Variants in BLTP1 observed in about 807,000 individuals in gnomAD.
BLTP1 encodes the protein bridge-like lipid transfer protein family member 1.
At chr4:122,278,174 TA>T in the BLTP1 span, among the ~76,000 whole-genome samples, 1 of 151,832 alleles carries the variant, frequency 6.6e-6, no homozygotes, top group African/African-American at 2.4e-5. Context: ...ATTAAAGATA[TA>T]AAAAAAATAA....
chr4:122,191,714 A>G, the BLTP1 span, among the ~76,000 whole-genome samples: 2 of 152,122 alleles, frequency 1.3e-5, no homozygotes, highest in Non-Finnish European at 2.9e-5. Flanking sequence ...ATTAAAAATT[A>G]TCTGAAAAAG....
At chr4:122,236,878 C>A in the BLTP1 span, 1 of 963,744 alleles carries the variant, frequency 1.0e-6, no homozygotes, top group Non-Finnish European at 1.2e-6. Context: ...TTGGAAATAA[C>A]CCCTACATAC....
At chr4:122,249,586 C>A in the BLTP1 span, 1 of 1,613,734 alleles carries the variant, frequency 6.2e-7, no homozygotes, top group Non-Finnish European at 8.5e-7. Context: ...TGAAACTGAT[C>A]AGCAAGCTGT....
chr4:122,260,710 C>T, the BLTP1 span, among the ~76,000 whole-genome samples: 1 of 151,522 alleles, frequency 6.6e-6, no homozygotes, highest in Non-Finnish European at 1.5e-5. Flanking sequence ...TCTAGTATTT[C>T]CATATTGAGG....
the BLTP1 span, chr4:122,206,165 G>A: frequency 1.5e-6 from 1 of 670,876 alleles, no homozygotes; most frequent in Non-Finnish European, 1.8e-6. Flanking sequence ...TCAAGTCTAT[G>A]TTTCATTCAC....
the BLTP1 span, chr4:122,224,323 C>G: frequency 3.0e-6 from 1 of 332,626 alleles, no homozygotes; most frequent in Admixed American, 6.5e-5. Flanking sequence ...ATTAAAGATG[C>G]TTAACTCAGA....
the BLTP1 span, chr4:122,313,604 AT>A: frequency 1.3e-6 from 2 of 1,562,672 alleles, no homozygotes; most frequent in Admixed American, 1.8e-5. Flanking sequence ...ATTGAAAACT[AT>A]TTTTGGGGTG....
chr4:122,286,906 A>G, the BLTP1 span: 7 of 839,636 alleles, frequency 8.3e-6, no homozygotes, highest in Middle Eastern at 3.6e-4. Context: ...TTGTTTTCAC[A>G]GAAGAATTCT....
chr4:122,333,817 C>A, the BLTP1 span: 2 of 1,606,096 alleles, frequency 1.2e-6, no homozygotes, highest in Non-Finnish European at 1.7e-6. Flanking sequence ...AAGGTAAAAA[C>A]CCAATTGCCT....
At chr4:122,183,561 T>A in the BLTP1 span, 1 of 973,058 alleles carries the variant, frequency 1.0e-6, no homozygotes, top group Non-Finnish European at 1.2e-6. Context: ...GGGCCCCAGT[T>A]AACAAGGCTG....
the BLTP1 span, chr4:122,341,902 C>CT: frequency 5.5e-6 from 4 of 732,118 alleles, no homozygotes; most frequent in Non-Finnish European, 6.7e-6. Flanking sequence ...GGAATGGACA[C>CT]TCCCAGGAGA....
At chr4:122,348,934 TA>T in the BLTP1 span, 1 of 544,790 alleles carries the variant, frequency 1.8e-6, no homozygotes, top group Non-Finnish European at 3.1e-6. Context: ...GAATCAATTA[TA>T]AGGAGAACAG....
the BLTP1 span, chr4:122,183,652 ATTTC>A: frequency 6.2e-5 from 22 of 356,986 alleles, no homozygotes; most frequent in African/African-American, 4.6e-4. Flanking sequence ...AATCACAGGA[ATTTC>A]TTTCTTAATC....
the BLTP1 span, among the ~76,000 whole-genome samples, chr4:122,338,664 A>G: frequency 6.6e-6 from 1 of 152,126 alleles, no homozygotes. Flanking sequence ...ATACTCAAGT[A>G]CCGCAGTCAG....
the BLTP1 span, chr4:122,207,405 C>T: frequency 1.4e-6 from 2 of 1,422,794 alleles, no homozygotes; most frequent in Non-Finnish European, 1.9e-6. Context: ...TCTCAGAAGA[C>T]TGTTTCAGAG....
chr4:122,249,180 T>A, the BLTP1 span: 1 of 616,934 alleles, frequency 1.6e-6, no homozygotes, highest in Non-Finnish European at 2.0e-6. Flanking sequence ...TGAAAGTATT[T>A]AAAACTACTG....
At chr4:122,280,714 C>G in the BLTP1 span, among the ~76,000 whole-genome samples, 16 of 149,182 alleles carry the variant, frequency 1.1e-4, no homozygotes, top group East Asian at 2.9e-3. Flanking sequence ...ATTTGTCTTA[C>G]GTTTTATTTC....
the BLTP1 span, chr4:122,315,354 T>C: frequency 7.2e-7 from 1 of 1,393,994 alleles, no homozygotes; most frequent in African/African-American, 1.4e-5. Context: ...CTGACAAGTT[T>C]AGCAGTGAAA....
chr4:122,292,444 GT>G, the BLTP1 span: 1 of 835,996 alleles, frequency 1.2e-6, no homozygotes, highest in Non-Finnish European at 1.4e-6. Context: ...GCTAAGCAAT[GT>G]AAAAATCTAA....
Sources: gnomAD v4.1 joint callset for allele counts (sites outside exome capture counted in the v4.1 genomes callset) on GRCh38, gnomAD v4.1.1 for gene constraint, MANE v1.5 for transcripts, NCBI Gene and HGNC (gene_info 2026-07-23, HGNC 2026-07-21) for gene names.